The following RHEB variants were observed in gnomAD, a reference collection of about 807,000 sequenced individuals.
RHEB encodes Ras homolog, mTORC1 binding.
In RHEB, 2 loss-of-function variants were observed where a neutral mutation model predicts 28.8. The ratio of observed to expected loss-of-function variants is 0.07; its 90% CI spans 0.03 to 0.22. RHEB has a LOEUF of 0.22. RHEB is among the 10% of genes least tolerant of loss of function. RHEB has a pLI of 1.00. For missense variants in RHEB, 76 were observed against 219.9 expected, an observed-to-expected ratio of 0.35 and a Z score of 4.14; for synonymous variants, 69 against 77.3, an observed-to-expected ratio of 0.89 and a Z score of 0.56.
At chr7:151,483,918 C>T (rs370975290) in intron 3 of RHEB, among the ~76,000 whole-genome samples, 3 of 152,196 alleles carry the variant, frequency 2.0e-5, no homozygotes, top group African/African-American at 7.2e-5. Flanking sequence ...CAGCCAATTC[C>T]CTGGTGATCC....
chr7:151,504,967 C>T (rs1405788330), intron 1 of RHEB, among the ~76,000 whole-genome samples: 2 of 151,134 alleles, frequency 1.3e-5, no homozygotes, highest in African/African-American at 4.9e-5. Context: ...TCACCCTTAC[C>T]TCATACATAA....
intron 1 of RHEB, among the ~76,000 whole-genome samples, chr7:151,496,440 G>A (rs1802674868): frequency 6.6e-6 from 1 of 151,856 alleles, no homozygotes; most frequent in Non-Finnish European, 1.5e-5. Flanking sequence ...TATTCATGAA[G>A]TCAATATACT....
At chr7:151,473,667 T>C (rs1396898103) in intron 4 of RHEB, among the ~76,000 whole-genome samples, 2 of 152,190 alleles carry the variant, frequency 1.3e-5, no homozygotes, top group Non-Finnish European at 2.9e-5. Context: ...TACTCCCTCA[T>C]GTCTCAAATT....
intron 1 of RHEB, among the ~76,000 whole-genome samples, chr7:151,513,117 T>C (rs570827891): frequency 1.3e-5 from 2 of 152,310 alleles, no homozygotes; most frequent in African/African-American, 2.4e-5. Flanking sequence ...CTTTTTAATA[T>C]TCTGCACGAC....
intron 1 of RHEB, among the ~76,000 whole-genome samples, chr7:151,494,743 C>T (rs1345158351): frequency 3.3e-5 from 5 of 152,188 alleles, no homozygotes; most frequent in Non-Finnish European, 1.5e-5. Flanking sequence ...CTACGTTTCC[C>T]TTGGGTCTCT....
At chr7:151,496,374 A>G (rs1200279948) in intron 1 of RHEB, among the ~76,000 whole-genome samples, 1 of 152,152 alleles carries the variant, frequency 6.6e-6, no homozygotes, top group East Asian at 1.9e-4. Flanking sequence ...GATTCTCATC[A>G]TCTAATCCAA....
At chr7:151,480,238 G>C (rs1802358560) in intron 3 of RHEB, among the ~76,000 whole-genome samples, 1 of 152,118 alleles carries the variant, frequency 6.6e-6, no homozygotes, top group South Asian at 2.1e-4. Context: ...GCTGATGGTA[G>C]CAAGACCAGC....
rs1802435794 is a variant in RHEB at position 151,484,646 on chromosome 7, C to G, written c.192+91G>C. On this transcript the variant is annotated intron_variant, in intron 3 of 7. Transcript: ENST00000262187. ...GTCTGCACACAACCTGAGGGGTTTT[C>G]TTGGCATAGCTGGTACTTTTAAAAA... 5.2e-6 allele frequency: 5 copies of G among 952,774 alleles called. No homozygotes were observed. The South Asian group carries it at 7.0e-5, about 13-fold the overall frequency. The allele number at this position is 952,774 out of a possible 1,614,324, so 59.0% of individuals were successfully genotyped here.
intron 1 of RHEB, among the ~76,000 whole-genome samples, chr7:151,496,265 G>A (rs1802672383): frequency 6.6e-6 from 1 of 152,106 alleles, no homozygotes; most frequent in Non-Finnish European, 1.5e-5. Context: ...AGCACACCAA[G>A]AAGTGCCTGG....
intron 1 of RHEB, among the ~76,000 whole-genome samples, chr7:151,508,140 G>A (rs1047329361): frequency 2.0e-5 from 3 of 152,104 alleles, no homozygotes; most frequent in African/African-American, 7.2e-5. Flanking sequence ...TACAGGTGAG[G>A]GTGGGAAAGA....
intron 1 of RHEB, among the ~76,000 whole-genome samples, chr7:151,515,961 C>G (rs1296736754): frequency 6.6e-6 from 1 of 152,174 alleles, no homozygotes; most frequent in African/African-American, 2.4e-5. Flanking sequence ...TAATGGTAAA[C>G]TAGGTTACCA....
intron 4 of RHEB, among the ~76,000 whole-genome samples, chr7:151,473,643 C>T (rs977004221): frequency 6.6e-6 from 1 of 152,152 alleles, no homozygotes; most frequent in Non-Finnish European, 1.5e-5. Context: ...AAAAACAAAA[C>T]ACCACTCTTC....
chr7:151,502,676 C>T, intron 1 of RHEB: 1 of 1,610,080 alleles, frequency 6.2e-7, no homozygotes, highest in Non-Finnish European at 8.5e-7. Flanking sequence ...CAAGGAAACA[C>T]AAGAGAAGTC....
At position 151,504,294 on chromosome 7, in the gene RHEB, A is replaced by G. The variant is rs1802828207; in HGVS notation, c.53-13280T>C. On this transcript the variant is annotated intron_variant, in intron 1 of 7. Transcript: ENST00000262187. ...CTGTGCTATTGCTGGGATTGGGGGA[A>G]ATAAAACATGCAATTTAAGTGGGGG... is the stretch of plus-strand genomic sequence containing the variant. Among the ~76,000 whole-genome samples the G allele has an allele frequency of 2.0e-5, 3 of 152,070 alleles. No individual in the cohort carries two copies. The South Asian group carries it at 6.2e-4, about 32-fold the overall frequency.
Position 151,480,801 on chromosome 7 carries a change from C to T in RHEB, c.193-3386G>A, listed in dbSNP as rs544679296. Among the ~76,000 whole-genome samples, 8 of 151,984 alleles carry T rather than the reference C, an allele frequency of 5.3e-5. No homozygotes were observed. In the South Asian group the frequency reaches 1.7e-3, roughly 32 times the overall value. On this transcript the variant is annotated intron_variant, in intron 3 of 7. Transcript: ENST00000262187. ...CTGGGTTCAAGCAATTCTCCTGCCT[C>T]GGCCTCCCAAGTAGCTGGGATTATA... is the stretch of plus-strand genomic sequence containing the variant.
Position 151,470,564 on chromosome 7 carries a change from C to T in RHEB, c.462+7G>A, listed in dbSNP as rs1320493886. On this transcript the variant is annotated splice_region_variant and intron_variant, in intron 7 of 7. Transcript: ENST00000262187. Reference sequence around the variant, plus strand: ...CAATGCAAAATGAGGTTTATAGAATCTGTTACCTGATTTTCTTTAGCAGAA... The same window carrying T: ...CAATGCAAAATGAGGTTTATAGAATTTGTTACCTGATTTTCTTTAGCAGAA... The T allele has an allele frequency of 2.5e-6, 4 of 1,597,796 alleles. No individual in the cohort carries two copies. Among genetic ancestry groups the T allele is most frequent in the Non-Finnish European group, 1.7e-6 (2 of 1,165,764 alleles).
chr7:151,514,520 T>G (rs6980020), intron 1 of RHEB, among the ~76,000 whole-genome samples: 77,969 of 151,904 alleles, frequency 0.51, 20,132 homozygotes, highest in South Asian at 0.6. Context: ...AGTGTAACAA[T>G]TGTTGACGAG....
chr7:151,488,192 TAGATAATGA>T (rs1802517396), intron 2 of RHEB, among the ~76,000 whole-genome samples: 1 of 152,228 alleles, frequency 6.6e-6, no homozygotes, highest in Non-Finnish European at 1.5e-5. Flanking sequence ...AACACTACAG[TAGATAATGA>T]AGTACACTTG....
At chr7:151,480,768 T>A (rs1178736302) in intron 3 of RHEB, among the ~76,000 whole-genome samples, 1 of 151,796 alleles carries the variant, frequency 6.6e-6, no homozygotes, top group African/African-American at 2.4e-5. Context: ...TACTACAACC[T>A]CCGCCTCCTG....
Sources: allele counts gnomAD v4.1 joint callset (sites outside exome capture counted in the v4.1 genomes callset), GRCh38; gene constraint gnomAD v4.1.1; transcripts MANE v1.5; gene names NCBI Gene and HGNC (gene_info 2026-07-23, HGNC 2026-07-21).